Variants in ZNF148 observed in about 807,000 individuals in gnomAD.
The protein encoded by ZNF148 is zinc finger protein 148.
Under a neutral mutation model 67.7 loss-of-function variants are expected in ZNF148, and 7 were observed. The ratio of observed to expected loss-of-function variants is 0.10; its 90% CI spans 0.06 to 0.19. ZNF148 has a LOEUF of 0.19. Ranked by LOEUF, ZNF148 falls within the 10% of genes least tolerant of loss-of-function variation. The probability of loss-of-function intolerance (pLI) is 1.00; values close to 1 mark genes in which losing one functional copy is unlikely to be tolerated. For synonymous variants in ZNF148, 333 were observed against 330.7 expected (o/e 1.01, Z -0.08); for missense variants, 583 against 947.1 (o/e 0.62, Z 5.05).
intron 7 of ZNF148, among the ~76,000 whole-genome samples, chr3:125,265,017 T>G (rs181363432): frequency 1.1e-3 from 174 of 152,254 alleles, no homozygotes; most frequent in African/African-American, 4.1e-3. Flanking sequence ...AGTAATGATT[T>G]CATGTAAACT....
At chr3:125,309,435 A>G (rs1940075337) in intron 4 of ZNF148, among the ~76,000 whole-genome samples, 1 of 152,228 alleles carries the variant, frequency 6.6e-6, no homozygotes, top group Non-Finnish European at 1.5e-5. Flanking sequence ...ACATCTTTTA[A>G]GGTGAAACAT....
intron 4 of ZNF148, among the ~76,000 whole-genome samples, chr3:125,296,995 G>T (rs1939318161): frequency 6.6e-6 from 1 of 151,782 alleles, no homozygotes; most frequent in South Asian, 2.1e-4. Context: ...GTTAGCAATG[G>T]TATGTCAAGA....
rs939258172 is a variant in ZNF148 at position 125,230,574 on chromosome 3, T to C, written c.*1767A>G. 3 of 152,486 alleles carry C rather than the reference T, an allele frequency of 2.0e-5. No homozygotes were observed. Among genetic ancestry groups the C allele is most frequent in the African/African-American group, 7.2e-5 (3 of 41,418 alleles). 9.4% of individuals were successfully genotyped at this position (152,486 alleles called of 1,614,324 possible). A position where few individuals can be genotyped will look rare whatever the true frequency, so the allele number is the denominator to read the frequency against. ...ATATATTCAAAATAAATGAAGGATGTTAAGGGTGGATAGTTATTTCTTCCC... is the reference window on the plus strand; with the variant it reads ...ATATATTCAAAATAAATGAAGGATGCTAAGGGTGGATAGTTATTTCTTCCC... On this transcript the variant is annotated 3_prime_UTR_variant, in exon 9 of 9. Coordinates refer to ENST00000360647, the MANE Select transcript of ZNF148 (RefSeq NM_021964.3).
intron 2 of ZNF148, among the ~76,000 whole-genome samples, chr3:125,330,356 T>C (rs1314361467): frequency 6.7e-6 from 1 of 150,336 alleles, no homozygotes; most frequent in South Asian, 2.1e-4. Flanking sequence ...TCCCAGCTAC[T>C]TGAGAGGCCT....
chr3:125,374,905 C>T (rs1363657696), intron 1 of ZNF148, among the ~76,000 whole-genome samples, 197 bp downstream of exon 1: 1 of 151,784 alleles, frequency 6.6e-6, no homozygotes, highest in Non-Finnish European at 1.5e-5. Flanking sequence ...CCACCCTCCG[C>T]GCCCTGCTTC....
intron 7 of ZNF148, among the ~76,000 whole-genome samples, chr3:125,249,778 C>A (rs770441221): frequency 6.6e-6 from 1 of 152,122 alleles, no homozygotes; most frequent in African/African-American, 2.4e-5. Context: ...ACCCAAGCGT[C>A]TGTCAATGGA....
chr3:125,287,097 C>T (rs545113084), intron 5 of ZNF148, among the ~76,000 whole-genome samples: 3 of 152,186 alleles, frequency 2.0e-5, no homozygotes, highest in South Asian at 2.1e-4. Context: ...GGCTCCAACA[C>T]ACTAATAAGT....
At chr3:125,303,864 A>C (rs940602902) in intron 4 of ZNF148, among the ~76,000 whole-genome samples, 1 of 152,088 alleles carries the variant, frequency 6.6e-6, no homozygotes, top group African/African-American at 2.4e-5. Flanking sequence ...GTTGCTGCAT[A>C]AAGTACTCAA....
chr3:125,325,332 A>T (rs1253675498), intron 2 of ZNF148, among the ~76,000 whole-genome samples: 1 of 152,194 alleles, frequency 6.6e-6, no homozygotes, highest in Non-Finnish European at 1.5e-5. Flanking sequence ...GTAGAAAAAG[A>T]TGGAAGTAAA....
At chr3:125,366,526 C>G (rs1942708294) in intron 1 of ZNF148, among the ~76,000 whole-genome samples, 1 of 150,818 alleles carries the variant, frequency 6.6e-6, no homozygotes, top group South Asian at 2.1e-4. Flanking sequence ...TTTTTCTTCC[C>G]CCTTGGCCAG....
intron 2 of ZNF148, 117 bp from the exon 3 acceptor site, chr3:125,323,561 A>C (rs1451221110): frequency 2.0e-6 from 1 of 502,534 alleles, no homozygotes; most frequent in African/African-American, 2.0e-5. Context: ...AAATACAGTA[A>C]GTTATGACTG....
At chr3:125,261,282 G>A (rs1001677542) in intron 7 of ZNF148, among the ~76,000 whole-genome samples, 3 of 152,172 alleles carry the variant, frequency 2.0e-5, no homozygotes, top group African/African-American at 7.2e-5. Flanking sequence ...CAATCTGGAT[G>A]AGCAGGAGAA....
intron 4 of ZNF148, among the ~76,000 whole-genome samples, chr3:125,293,300 C>T (rs1430727467): frequency 1.3e-5 from 2 of 152,080 alleles, no homozygotes; most frequent in East Asian, 3.8e-4. Flanking sequence ...AATACAGATG[C>T]CCGGGCCCTA....
intron 2 of ZNF148, among the ~76,000 whole-genome samples, chr3:125,329,172 T>C (rs1941160051): frequency 6.7e-6 from 1 of 150,220 alleles, no homozygotes; most frequent in African/African-American, 2.4e-5. Flanking sequence ...TGAAAAATGT[T>C]GAACATGACA....
intron 7 of ZNF148, among the ~76,000 whole-genome samples, chr3:125,266,547 C>CA (rs1937534176): frequency 6.6e-6 from 1 of 152,058 alleles, no homozygotes; most frequent in African/African-American, 2.4e-5. Flanking sequence ...CACAACCTAC[C>CA]AAAATCTATA....
chr3:125,280,830 G>A (rs66730904), intron 5 of ZNF148, among the ~76,000 whole-genome samples: 42,819 of 149,976 alleles, frequency 0.29, 6,466 homozygotes, highest in Middle Eastern at 0.42. Context: ...ATCAGGAGGG[G>A]TATGGCCAGT....
intron 7 of ZNF148, among the ~76,000 whole-genome samples, chr3:125,240,104 C>T (rs1433850700): frequency 2.6e-5 from 4 of 152,118 alleles, no homozygotes; most frequent in Admixed American, 1.3e-4. Flanking sequence ...ATCTCAGTAA[C>T]GTTATTTTTA....
intron 1 of ZNF148, chr3:125,344,128 G>GA (rs1941846661): frequency 4.0e-6 from 1 of 250,502 alleles, no homozygotes; most frequent in African/African-American, 2.3e-5. Context: ...TATGGTTAAG[G>GA]ACTTTAACTG....
chr3:125,294,382 C>A (rs992751632), intron 4 of ZNF148, among the ~76,000 whole-genome samples: 14 of 152,186 alleles, frequency 9.2e-5, no homozygotes, highest in Non-Finnish European at 5.9e-5. Flanking sequence ...ATGTTAAATT[C>A]TTGGTCTTGA....
Sources: allele counts gnomAD v4.1 joint callset (sites outside exome capture counted in the v4.1 genomes callset), GRCh38; gene constraint gnomAD v4.1.1; transcripts MANE v1.5; gene names NCBI Gene and HGNC (gene_info 2026-07-23, HGNC 2026-07-21).